The following SERAC1 variants were observed in gnomAD, a reference collection of about 807,000 sequenced individuals.
The protein encoded by SERAC1 is protein SERAC1.
Under a neutral mutation model 85.7 loss-of-function variants are expected in SERAC1, and 36 were observed. The observed-to-expected ratio is 0.42, with a 90% CI of 0.32 to 0.55. The LOEUF (loss-of-function observed/expected upper bound fraction) is 0.55. Ranked by LOEUF, SERAC1 falls within the 20% of genes least tolerant of loss-of-function variation. SERAC1 has a pLI of 0.11. For missense variants in SERAC1, 629 were observed against 796.2 expected (o/e 0.79, Z 2.53); for synonymous variants, 242 against 265.3 (o/e 0.91, Z 0.85).
intron 1 of SERAC1, among the ~76,000 whole-genome samples, chr6:158,163,310 A>C (rs887159925): frequency 2.0e-5 from 3 of 152,240 alleles, no homozygotes; most frequent in African/African-American, 7.2e-5. Context: ...CACGAGATAT[A>C]TGAGGTTGCT....
intron 2 of SERAC1, among the ~76,000 whole-genome samples, chr6:158,155,918 G>C (rs1785320965): frequency 6.6e-6 from 1 of 152,232 alleles, no homozygotes; most frequent in Non-Finnish European, 1.5e-5. Context: ...GCCAAGGCGA[G>C]TGGATCACCT....
intron 6 of SERAC1, among the ~76,000 whole-genome samples, chr6:158,144,642 C>CA (rs1785010728): frequency 6.6e-6 from 1 of 152,192 alleles, no homozygotes; most frequent in African/African-American, 2.4e-5. Context: ...GAGACCGGGT[C>CA]ACAGCCTAAC....
chr6:158,120,586 G>T lies in SERAC1; in HGVS notation c.1016-11C>A. The stretch of plus-strand genomic sequence containing the variant: ...TGATGGAAACCCAGCCTGGTGAAAA[G>T]TACACATATCCTAAATACTGATGTG... On this transcript the variant is annotated splice_polypyrimidine_tract_variant and intron_variant, in intron 10 of 16. Transcript: ENST00000647468. This position sits in a 1 kb window ranked among gnomAD's most constrained non-coding sequence, Gnocchi z 4.4. 6.2e-7 allele frequency: 1 copy of T among 1,613,072 alleles called. No homozygotes were observed. Among genetic ancestry groups the T allele is most frequent in the Non-Finnish European group, 8.5e-7 (1 of 1,179,598 alleles).
chr6:158,163,368 G>A (rs950208417), intron 1 of SERAC1, among the ~76,000 whole-genome samples: 1 of 152,166 alleles, frequency 6.6e-6, no homozygotes, highest in Non-Finnish European at 1.5e-5. Context: ...TATAAGTAGA[G>A]GGAATAGATG....
In SERAC1 at chr6:158,146,800, C is replaced by T; in HGVS notation, c.469G>A (p.Glu157Lys). 2 of 1,613,820 alleles carry T rather than the reference C, an allele frequency of 1.2e-6. No individual in the cohort carries two copies. ...TCATTACCATGCCAGTGATGGGTCTCCGACATTTCCCGCACAGCCTCGAGT... is the reference window on the plus strand; with the variant it reads ...TCATTACCATGCCAGTGATGGGTCTTCGACATTTCCCGCACAGCCTCGAGT... ...TRLEAVREMS[E>K]THHWHDYQYR... Residue 157 changes from glutamate to lysine, a missense_variant, in exon 6 of 17, where the codon GAG becomes AAG. Physicochemically the swap from Glu to Lys is moderately conservative, Grantham distance 56 (BLOSUM62 1). Coordinates refer to ENST00000647468, the MANE Select transcript of SERAC1 (RefSeq NM_032861.4).
intron 14 of SERAC1, among the ~76,000 whole-genome samples, 195 bp from the exon 15 acceptor site, chr6:158,115,166 T>C (rs187438141): frequency 1.7e-4 from 26 of 152,352 alleles, no homozygotes; most frequent in African/African-American, 4.3e-4. Flanking sequence ...CTGATCCTTA[T>C]AGTGCAAGCC....
chr6:158,140,786 T>C (rs967380106), intron 8 of SERAC1, among the ~76,000 whole-genome samples: 1 of 152,106 alleles, frequency 6.6e-6, no homozygotes, highest in African/African-American at 2.4e-5. Context: ...CTGAACTAAA[T>C]TGAAGGACAC....
intron 2 of SERAC1, among the ~76,000 whole-genome samples, chr6:158,156,996 C>CTA (rs112367425): frequency 0.066 from 6,623 of 99,620 alleles, 324 homozygotes; most frequent in Non-Finnish European, 0.1. Flanking sequence ...TACATATAAA[C>CTA]TATATATATA....
intron 12 of SERAC1, among the ~76,000 whole-genome samples, chr6:158,118,682 A>G (rs1784350640): frequency 6.6e-6 from 1 of 151,710 alleles, no homozygotes; most frequent in African/African-American, 2.4e-5. Flanking sequence ...AAGACTTTCT[A>G]TTTTTGTAAT....
chr6:158,113,582 T>A lies in SERAC1; in HGVS notation c.1695A>T (p.Ala565=). The part of the protein sequence containing the change: ...EVKELSKDSP[A]LKTLQDDFLE... ...GAAAGTCATCTTGTAGTGTTTTAAGTGCAGGAGAATCTGTAAAATTATACA... is the reference window on the plus strand; with the variant it reads ...GAAAGTCATCTTGTAGTGTTTTAAGAGCAGGAGAATCTGTAAAATTATACA... Residue 565 remains alanine, a synonymous_variant, in exon 16 of 17, where the codon GCA becomes GCT. Transcript: ENST00000647468. 1 of 1,613,450 alleles carries A rather than the reference T, an allele frequency of 6.2e-7. No individual in the cohort carries two copies.
At chr6:158,166,429 T>G (rs1785598220) in intron 1 of SERAC1, among the ~76,000 whole-genome samples, 1 of 142,490 alleles carries the variant, frequency 7.0e-6, no homozygotes, top group African/African-American at 2.6e-5. Context: ...TGGTATCTGA[T>G]AGGGAGAGAC....
intron 1 of SERAC1, among the ~76,000 whole-genome samples, chr6:158,160,569 TATA>T: frequency 1.3e-5 from 2 of 152,358 alleles, no homozygotes; most frequent in Middle Eastern, 6.8e-3. Context: ...CCATCATGGT[TATA>T]ATCTTTTGGT....
At chr6:158,167,474 G>A (rs1193932390) in intron 1 of SERAC1, among the ~76,000 whole-genome samples, 1 of 143,252 alleles carries the variant, frequency 7.0e-6, no homozygotes, top group Non-Finnish European at 1.5e-5. Flanking sequence ...GGAGACGGAG[G>A]TTGCAGTGAG....
In SERAC1 at chr6:158,137,031, G is replaced by A. The variant is rs144894783; in HGVS notation, c.738+6025C>T. 5.5e-3 allele frequency among the ~76,000 whole-genome samples: 840 copies of A among 152,046 alleles called. 10 individuals are homozygous for A. Among genetic ancestry groups the A allele is most frequent in the African/African-American group, 0.019 (796 of 41,478 alleles). ...AAATCAGCTGGGCATGGTGGCTCGC[G>A]CCTGTAGTCCCAGCTACTTGGGAGG... On this transcript the variant is annotated intron_variant, in intron 8 of 16. Transcript: ENST00000647468.
At position 158,144,350 on chromosome 6, in the gene SERAC1, C is replaced by G. The variant is rs751502321; in HGVS notation, c.558G>C (p.Glu186Asp). The change falls in exon 7 of 17, where the codon GAG (glutamate) becomes GAC (aspartate). Residue 186 changes from glutamate (E) to aspartate (D), a missense_variant. Transcript: ENST00000647468. Reference protein sequence around the residue: ...KTLIGLARSEESDLRFFLLPP... With the variant: ...KTLIGLARSEDSDLRFFLLPP... ...GTAGGAGAAAAAAGCGAAGATCACTCTCTTCGCTTCGTGCCAAACCAATAA... is the reference window on the plus strand; with the variant it reads ...GTAGGAGAAAAAAGCGAAGATCACTGTCTTCGCTTCGTGCCAAACCAATAA... 1 of 1,612,430 alleles carries G rather than the reference C, an allele frequency of 6.2e-7. No individual in the cohort carries two copies. Among genetic ancestry groups the G allele is most frequent in the South Asian group, 1.1e-5 (1 of 90,986 alleles).
intron 3 of SERAC1, among the ~76,000 whole-genome samples, chr6:158,152,188 A>G (rs1785221379): frequency 6.6e-6 from 1 of 152,190 alleles, no homozygotes; most frequent in Non-Finnish European, 1.5e-5. Flanking sequence ...AGGCCAGCCT[A>G]GGCAAAACAC....
chr6:158,163,078 C>T (rs1326630413), intron 1 of SERAC1, among the ~76,000 whole-genome samples: 1 of 152,104 alleles, frequency 6.6e-6, no homozygotes, highest in Non-Finnish European at 1.5e-5. Context: ...AGAGAAATGT[C>T]CAATATCCCC....
At chr6:158,122,733 T>C (rs768591733) in intron 10 of SERAC1, among the ~76,000 whole-genome samples, 5 of 152,128 alleles carry the variant, frequency 3.3e-5, no homozygotes, top group Non-Finnish European at 7.3e-5. Flanking sequence ...GGAGCCAAGA[T>C]AGCGCCACTG....
At chr6:158,115,364 TC>T (rs1784260195) in intron 14 of SERAC1, among the ~76,000 whole-genome samples, 1 of 152,192 alleles carries the variant, frequency 6.6e-6, no homozygotes, top group African/African-American at 2.4e-5. Flanking sequence ...GTGCTACTAT[TC>T]CACAGCACAC....
Sources: allele counts gnomAD v4.1 joint callset (sites outside exome capture counted in the v4.1 genomes callset), GRCh38; gene constraint gnomAD v4.1.1; non-coding constraint Gnocchi (gnomAD v3.1); transcripts MANE v1.5; gene names NCBI Gene and HGNC (gene_info 2026-07-23, HGNC 2026-07-21).